Variants in AKAP13 observed in about 807,000 individuals in gnomAD.
AKAP13 encodes A-kinase anchor protein 13.
In AKAP13, 80 loss-of-function variants were observed where a neutral mutation model predicts 264.5. That is an observed-to-expected ratio of 0.30 (90% CI 0.25 to 0.36). The LOEUF (loss-of-function observed/expected upper bound fraction) is 0.36, where lower values mean the gene tolerates loss of function less well. Among genes scored for constraint, AKAP13 ranks in the 10% least tolerant of loss-of-function variants. The pLI is 1.00. For synonymous variants in AKAP13, 1,380 were observed against 1,250.2 expected, an observed-to-expected ratio of 1.10 and a Z score of -2.19; for missense variants, 3,712 against 3,435.2, an observed-to-expected ratio of 1.08 and a Z score of -2.01.
intron 33 of AKAP13, among the ~76,000 whole-genome samples, chr15:85,738,767 G>A (rs938980296): frequency 2.0e-5 from 3 of 150,306 alleles, no homozygotes; most frequent in East Asian, 1.9e-4. Flanking sequence ...GAACCCGGGA[G>A]GCGGAGCTTG....
chr15:85,590,483 A>G (rs1428623193), intron 8 of AKAP13, among the ~76,000 whole-genome samples: 1 of 152,246 alleles, frequency 6.6e-6, no homozygotes, highest in Admixed American at 6.5e-5. Flanking sequence ...TTGTAAATAA[A>G]TCCTTACTTT....
intron 13 of AKAP13, among the ~76,000 whole-genome samples, chr15:85,667,336 A>T (rs1159758494): frequency 6.6e-6 from 1 of 152,214 alleles, no homozygotes; most frequent in East Asian, 1.9e-4. Flanking sequence ...CCCCTTTTAA[A>T]AATTTTTCTA....
chr15:85,431,658 C>G (rs2073029172), intron 1 of AKAP13, among the ~76,000 whole-genome samples: 1 of 151,978 alleles, frequency 6.6e-6, no homozygotes, highest in Non-Finnish European at 1.5e-5. Flanking sequence ...GTTGGTGGTC[C>G]TAAAGTCAAC....
intron 2 of AKAP13, among the ~76,000 whole-genome samples, chr15:85,511,495 A>G (rs994608379): frequency 6.6e-5 from 10 of 152,228 alleles, no homozygotes; most frequent in Non-Finnish European, 1.3e-4. Context: ...TTAAGATTCA[A>G]AGCCCCATCA....
intron 8 of AKAP13, among the ~76,000 whole-genome samples, chr15:85,590,941 T>A (rs2079555392): frequency 6.6e-6 from 1 of 152,230 alleles, no homozygotes; most frequent in Non-Finnish European, 1.5e-5. Context: ...GCTATTCACT[T>A]ATTTTAGTAA....
chr15:85,588,344 A>G (rs1472912193), intron 8 of AKAP13, among the ~76,000 whole-genome samples: 3 of 152,168 alleles, frequency 2.0e-5, no homozygotes, highest in Non-Finnish European at 4.4e-5. Context: ...TATTCAGACA[A>G]ATGTTGCTTT....
At position 85,690,586 on chromosome 15, in the gene AKAP13, G is replaced by A. The variant is rs546962980; in HGVS notation, c.5290-2691G>A. On this transcript the variant is annotated intron_variant, in intron 16 of 36. Coordinates refer to ENST00000394518, the MANE Select transcript of AKAP13 (RefSeq NM_007200.5). ...AAGTGTAGTAATTTGGCTCTTAGAT[G>A]TTCATTATATGTATTTGATTAACAA... is the stretch of plus-strand genomic sequence containing the variant. 2.0e-5 allele frequency among the ~76,000 whole-genome samples: 3 copies of A among 152,230 alleles called. No homozygotes were observed. In the South Asian group the frequency reaches 6.2e-4, roughly 32 times the overall value.
chr15:85,600,544 A>T (rs927500629), intron 8 of AKAP13, among the ~76,000 whole-genome samples: 2 of 152,232 alleles, frequency 1.3e-5, no homozygotes, highest in Non-Finnish European at 2.9e-5. Flanking sequence ...CTGCTGGGCC[A>T]TTTTTAATGT....
intron 3 of AKAP13, among the ~76,000 whole-genome samples, chr15:85,524,578 C>T (rs754456470): frequency 2.6e-4 from 39 of 152,194 alleles, no homozygotes; most frequent in Middle Eastern, 6.8e-3. Context: ...TGTTTTGTAA[C>T]ATTTTAGTTT....
intron 31 of AKAP13, 35 bp from the exon 32 acceptor site, chr15:85,735,525 C>T: frequency 6.4e-7 from 1 of 1,565,830 alleles, no homozygotes; most frequent in Non-Finnish European, 8.7e-7. Flanking sequence ...TGTTTCACAA[C>T]TTTAAAAAAA....
chr15:85,729,025 G>A (rs2087789889), intron 29 of AKAP13, among the ~76,000 whole-genome samples: 1 of 152,110 alleles, frequency 6.6e-6, no homozygotes, highest in Non-Finnish European at 1.5e-5. Context: ...AGTTGGCCAG[G>A]CTCGGTGGCT....
chr15:85,677,032 C>G, intron 14 of AKAP13: 1 of 985,486 alleles, frequency 1.0e-6, no homozygotes, highest in Non-Finnish European at 1.2e-6. Flanking sequence ...TCCGCTCCTC[C>G]TTAAGTCTAA....
chr15:85,424,054 G>A (rs2072650998), intron 1 of AKAP13, among the ~76,000 whole-genome samples: 1 of 152,300 alleles, frequency 6.6e-6, no homozygotes, highest in Non-Finnish European at 1.5e-5. Context: ...GAAACACAGA[G>A]TAGACTTAGC....
intron 8 of AKAP13, among the ~76,000 whole-genome samples, chr15:85,631,259 C>G (rs1487824534): frequency 6.6e-6 from 1 of 152,016 alleles, no homozygotes; most frequent in Non-Finnish European, 1.5e-5. Flanking sequence ...TCGTGGCTCT[C>G]TAGGCACTAG....
At chr15:85,556,257 A>G (rs956924052) in intron 5 of AKAP13, among the ~76,000 whole-genome samples, 8 of 152,234 alleles carry the variant, frequency 5.3e-5, no homozygotes, top group African/African-American at 1.9e-4. Context: ...TATTATCGCT[A>G]TCAAATATGT....
chr15:85,535,173 C>A (rs985904235), intron 4 of AKAP13: 10 of 152,154 alleles, frequency 6.6e-5, no homozygotes, highest in African/African-American at 2.2e-4. Context: ...GGAGAAATAC[C>A]CAGAGGGGCC....
intron 1 of AKAP13, among the ~76,000 whole-genome samples, chr15:85,390,236 A>G (rs1321423324): frequency 2.0e-5 from 3 of 152,212 alleles, no homozygotes; most frequent in Admixed American, 6.5e-5. Flanking sequence ...ACGAGTGAAC[A>G]AACAATTGCA....
At chr15:85,660,141 C>A (rs941755050) in intron 12 of AKAP13, among the ~76,000 whole-genome samples, 4 of 151,832 alleles carry the variant, frequency 2.6e-5, no homozygotes, top group Non-Finnish European at 4.4e-5. Flanking sequence ...TTGCGTGAGC[C>A]CGGGAATTTG....
At chr15:85,704,107 G>C (rs1224287222) in intron 17 of AKAP13, among the ~76,000 whole-genome samples, 1 of 152,146 alleles carries the variant, frequency 6.6e-6, no homozygotes, top group Admixed American at 6.5e-5. Context: ...AGAAGAATCA[G>C]GTCATTTTTC....
Sources: gnomAD v4.1 joint callset for allele counts (sites outside exome capture counted in the v4.1 genomes callset) on GRCh38, gnomAD v4.1.1 for gene constraint, MANE v1.5 for transcripts, NCBI Gene and HGNC (gene_info 2026-07-23, HGNC 2026-07-21) for gene names.